Variants in BMPR1B observed in about 807,000 individuals in gnomAD.
BMPR1B encodes bone morphogenetic protein receptor type 1B, also known as bone morphogenetic protein receptor type-1B.
Under a neutral mutation model 59.1 loss-of-function variants are expected in BMPR1B, and 12 were observed. The ratio of observed to expected loss-of-function variants is 0.20; its 90% CI spans 0.13 to 0.33. The LOEUF is 0.33. Among genes scored for constraint, BMPR1B ranks in the 10% least tolerant of loss-of-function variants. The pLI is 1.00. For synonymous variants in BMPR1B, 237 were observed against 207.3 expected, an observed-to-expected ratio of 1.14 and a Z score of -1.23; for missense variants, 550 against 610.9, an observed-to-expected ratio of 0.90 and a Z score of 1.05.
chr4:95,032,790 A>G (rs1185415668), intron 3 of BMPR1B, among the ~76,000 whole-genome samples: 3 of 152,110 alleles, frequency 2.0e-5, no homozygotes, highest in African/African-American at 7.2e-5. Context: ...CTGATGATCC[A>G]TTGGGTTGGT....
chr4:94,997,774 A>G (rs144296279), intron 3 of BMPR1B, among the ~76,000 whole-genome samples: 46 of 152,296 alleles, frequency 3.0e-4, no homozygotes, highest in African/African-American at 1.0e-3. Context: ...TTCATCAATC[A>G]ATTTTTATTT....
intron 2 of BMPR1B, among the ~76,000 whole-genome samples, chr4:94,882,184 T>G (rs1426332990): frequency 1.3e-5 from 2 of 152,162 alleles, no homozygotes; most frequent in Admixed American, 1.3e-4. Context: ...TTTCCATGGA[T>G]TTTTTAATTA....
chr4:94,846,432 C>T (rs1178678640), intron 1 of BMPR1B, among the ~76,000 whole-genome samples: 1 of 151,984 alleles, frequency 6.6e-6, no homozygotes, highest in Non-Finnish European at 1.5e-5. Context: ...AAAGGCAGAC[C>T]CACCCTTAAT....
intron 1 of BMPR1B, among the ~76,000 whole-genome samples, chr4:94,849,800 G>GTGTT (rs796694378): frequency 2.5e-4 from 37 of 150,564 alleles, no homozygotes; most frequent in Admixed American, 4.0e-4. Context: ...TTTGGTGTGT[G>GTGTT]TGTGTGTGTG....
At chr4:94,896,711 C>T (rs1056371539) in intron 2 of BMPR1B, among the ~76,000 whole-genome samples, 2 of 151,518 alleles carry the variant, frequency 1.3e-5, no homozygotes, top group African/African-American at 4.8e-5. Context: ...TTCATTTGTT[C>T]CTAAAAGTGA....
intron 1 of BMPR1B, among the ~76,000 whole-genome samples, chr4:94,796,153 TG>T (rs2110612894): frequency 6.6e-6 from 1 of 151,648 alleles, no homozygotes; most frequent in African/African-American, 2.4e-5. Context: ...TCACTAGAGA[TG>T]GGGTTTCACC....
chr4:95,016,776 G>A (rs1383819233), intron 3 of BMPR1B, among the ~76,000 whole-genome samples: 1 of 152,080 alleles, frequency 6.6e-6, no homozygotes, highest in African/African-American at 2.4e-5. Context: ...TAGCTAACAT[G>A]CAATTAAATA....
At chr4:94,864,797 A>G (rs181322423) in intron 1 of BMPR1B, among the ~76,000 whole-genome samples, 10 of 152,298 alleles carry the variant, frequency 6.6e-5, no homozygotes, top group Middle Eastern at 3.4e-3. Flanking sequence ...GTACATGTTC[A>G]GCGCAGACAC....
chr4:94,927,779 G>T (rs986675651), intron 2 of BMPR1B, among the ~76,000 whole-genome samples: 2 of 152,134 alleles, frequency 1.3e-5, no homozygotes, highest in Non-Finnish European at 2.9e-5. Context: ...ATGGAGAGCA[G>T]TTGGGACTCT....
chr4:95,154,827 C>A lies in BMPR1B; in HGVS notation c.*154C>A. 9.5e-7 allele frequency: 1 copy of A among 1,049,704 alleles called. No homozygotes were observed. The highest frequency in any genetic ancestry group is 2.1e-5 in the Admixed American group (1 of 47,970). The allele number at this position is 1,049,704 out of a possible 1,614,324, so 65.0% of individuals were successfully genotyped here. ...CAGACCTCACCTCTCAGGGAGCGAC[C>A]TGGGCAAAGACAGAGAAGCTCCCAG... On this transcript the variant is annotated 3_prime_UTR_variant, in exon 13 of 13. Transcript: ENST00000515059.
intron 3 of BMPR1B, among the ~76,000 whole-genome samples, chr4:95,064,201 A>G (rs1727629202): frequency 6.6e-6 from 1 of 152,168 alleles, no homozygotes. Flanking sequence ...TTTGTCAATT[A>G]AAAAAATTAT....
At chr4:94,791,145 C>T (rs951223620) in intron 1 of BMPR1B, among the ~76,000 whole-genome samples, 3 of 152,112 alleles carry the variant, frequency 2.0e-5, no homozygotes, top group Middle Eastern at 3.2e-3. Flanking sequence ...CGTACCACCA[C>T]GCCCACCTAA....
At chr4:94,773,135 G>A (rs1328328208) in intron 1 of BMPR1B, among the ~76,000 whole-genome samples, 1 of 152,016 alleles carries the variant, frequency 6.6e-6, no homozygotes, top group Non-Finnish European at 1.5e-5. Context: ...TTCGGAAGAG[G>A]AAGTCAAGTA....
At chr4:94,979,861 G>A (rs1731167832) in intron 2 of BMPR1B, among the ~76,000 whole-genome samples, 1 of 152,170 alleles carries the variant, frequency 6.6e-6, no homozygotes, top group Non-Finnish European at 1.5e-5. Context: ...GACTGTTTCG[G>A]ATGTTTAGTC....
intron 1 of BMPR1B, among the ~76,000 whole-genome samples, chr4:94,787,109 A>G (rs1364388824): frequency 6.6e-6 from 1 of 152,208 alleles, no homozygotes; most frequent in African/African-American, 2.4e-5. Context: ...CTTGATATGT[A>G]GGAGACCAGT....
intron 3 of BMPR1B, among the ~76,000 whole-genome samples, chr4:95,042,743 G>C (rs1694360318): frequency 6.6e-6 from 1 of 152,062 alleles, no homozygotes; most frequent in Admixed American, 6.6e-5. Flanking sequence ...TGTTCTATCT[G>C]GAAATAACTA....
chr4:94,810,679 G>A (rs920727271), intron 1 of BMPR1B, among the ~76,000 whole-genome samples: 4 of 152,194 alleles, frequency 2.6e-5, no homozygotes, highest in Non-Finnish European at 5.9e-5. Flanking sequence ...TCATATTTAA[G>A]TCTTTTCTGC....
intron 2 of BMPR1B, among the ~76,000 whole-genome samples, chr4:94,981,003 A>ACGCGCGTGTACGCGCGCG (rs141994255): frequency 0.02 from 1,784 of 90,842 alleles, 47 homozygotes; most frequent in African/African-American, 0.059. Flanking sequence ...ACACACACAC[A>ACGCGCGTGTACGCGCGCG]CACACACACA....
chr4:95,026,130 C>CTTTCTTTCTTTCTTTCTT (rs1560603019), intron 3 of BMPR1B, among the ~76,000 whole-genome samples: 46 of 146,554 alleles, frequency 3.1e-4, no homozygotes, highest in Middle Eastern at 7.0e-3. Flanking sequence ...TTCTTTCTTT[C>CTTTCTTTCTTTCTTTCTT]TTTCTTTCTT....
Sources: gnomAD v4.1 joint callset for allele counts (sites outside exome capture counted in the v4.1 genomes callset) on GRCh38, gnomAD v4.1.1 for gene constraint, MANE v1.5 for transcripts, NCBI Gene and HGNC (gene_info 2026-07-23, HGNC 2026-07-21) for gene names.